Variants in KCND3 observed in about 807,000 individuals in gnomAD.
The protein encoded by KCND3 is potassium voltage-gated channel subfamily D member 3, also known as A-type voltage-gated potassium channel KCND3.
In KCND3, 9 loss-of-function variants were observed where a neutral mutation model predicts 51.1. That is an observed-to-expected ratio of 0.18 (90% CI 0.11 to 0.31). KCND3 has a LOEUF of 0.31. KCND3 is among the 10% of genes least tolerant of loss of function. The probability of loss-of-function intolerance (pLI) is 1.00; values close to 1 mark genes in which losing one functional copy is unlikely to be tolerated. For missense variants in KCND3, 526 were observed against 903.8 expected, an observed-to-expected ratio of 0.58 and a Z score of 5.36; for synonymous variants, 349 against 368.0, an observed-to-expected ratio of 0.95 and a Z score of 0.59.
intron 1 of KCND3, among the ~76,000 whole-genome samples, chr1:111,984,422 A>G (rs1439597086): frequency 6.6e-6 from 1 of 152,032 alleles, no homozygotes; most frequent in African/African-American, 2.4e-5. Context: ...CACCTTGACC[A>G]TTTTTCTCTA....
chr1:111,948,120 TG>T (rs1672871853), intron 2 of KCND3, among the ~76,000 whole-genome samples: 1 of 152,210 alleles, frequency 6.6e-6, no homozygotes, highest in South Asian at 2.1e-4. Flanking sequence ...CTGTGTGCTT[TG>T]GGGAGGCTGC....
At chr1:111,885,614 C>T (rs887520968) in intron 2 of KCND3, among the ~76,000 whole-genome samples, 3 of 152,048 alleles carry the variant, frequency 2.0e-5, no homozygotes, top group Non-Finnish European at 4.4e-5. Flanking sequence ...GGAAGGCCAA[C>T]TGGGCAGATG....
At chr1:111,835,463 A>G (rs1667027515) in intron 2 of KCND3, among the ~76,000 whole-genome samples, 1 of 152,192 alleles carries the variant, frequency 6.6e-6, no homozygotes, top group South Asian at 2.1e-4. Flanking sequence ...AAGTCACAGA[A>G]TAAGATAGGA....
intron 2 of KCND3, among the ~76,000 whole-genome samples, chr1:111,947,298 G>T (rs1208722857): frequency 6.6e-6 from 1 of 152,150 alleles, no homozygotes; most frequent in Non-Finnish European, 1.5e-5. Context: ...ATTACCATGT[G>T]CCAGGCACCA....
intron 2 of KCND3, among the ~76,000 whole-genome samples, chr1:111,852,098 T>A (rs934452335): frequency 3.9e-5 from 6 of 152,242 alleles, no homozygotes; most frequent in African/African-American, 7.2e-5. Context: ...ATGGAGCTTT[T>A]CTTTGTCCTC....
chr1:111,908,967 T>TA (rs1553176784), intron 2 of KCND3, among the ~76,000 whole-genome samples: 3 of 149,728 alleles, frequency 2.0e-5, no homozygotes, highest in Admixed American at 6.7e-5. Context: ...TTTTTTTTTT[T>TA]AAAGACTGTG....
chr1:111,935,993 T>C (rs552778243), intron 2 of KCND3, among the ~76,000 whole-genome samples: 3 of 152,242 alleles, frequency 2.0e-5, no homozygotes, highest in Non-Finnish European at 4.4e-5. Flanking sequence ...GCAAAACTCA[T>C]AGCACAAACC....
chr1:111,955,658 C>T (rs547909439), intron 2 of KCND3, among the ~76,000 whole-genome samples: 1 of 152,290 alleles, frequency 6.6e-6, no homozygotes, highest in Admixed American at 6.5e-5. Flanking sequence ...TCTTCAATGT[C>T]TGGTATAAGG....
At chr1:111,831,101 T>C (rs954060761) in intron 2 of KCND3, among the ~76,000 whole-genome samples, 4 of 152,246 alleles carry the variant, frequency 2.6e-5, no homozygotes, top group African/African-American at 9.6e-5. Flanking sequence ...TGCTTTCCTC[T>C]GACACCGGCT....
intron 2 of KCND3, among the ~76,000 whole-genome samples, chr1:111,820,148 C>G (rs1228074556): frequency 6.6e-6 from 1 of 152,192 alleles, no homozygotes; most frequent in Non-Finnish European, 1.5e-5. Context: ...ATGCATTTCC[C>G]AATGTTCCAG....
chr1:111,891,100 T>C (rs1487082736), intron 2 of KCND3, among the ~76,000 whole-genome samples: 2 of 152,282 alleles, frequency 1.3e-5, no homozygotes, highest in East Asian at 1.9e-4. Flanking sequence ...CATGTGACTG[T>C]AGGCAAGTTG....
chr1:111,816,656 C>A (rs80287979), intron 2 of KCND3, among the ~76,000 whole-genome samples: 2,724 of 152,294 alleles, frequency 0.018, 76 homozygotes, highest in African/African-American at 0.061. Context: ...CTCCACAATT[C>A]TAGGTCATAG....
At chr1:111,796,388 T>C (rs1225242113) in intron 2 of KCND3, among the ~76,000 whole-genome samples, 1 of 145,364 alleles carries the variant, frequency 6.9e-6, no homozygotes, top group East Asian at 1.9e-4. Flanking sequence ...TGCCTATCAA[T>C]GGTAGACCAG....
At chr1:111,823,872 A>G (rs1329297367) in intron 2 of KCND3, among the ~76,000 whole-genome samples, 1 of 152,188 alleles carries the variant, frequency 6.6e-6, no homozygotes, top group East Asian at 1.9e-4. Flanking sequence ...ATCAGGAAGC[A>G]TCTAAAACAC....
At chr1:111,911,535 A>G (rs898220843) in intron 2 of KCND3, among the ~76,000 whole-genome samples, 2 of 152,266 alleles carry the variant, frequency 1.3e-5, no homozygotes, top group African/African-American at 4.8e-5. Flanking sequence ...TACCAAATCC[A>G]TGTACCAGCT....
At chr1:111,880,101 C>A (rs569402751) in intron 2 of KCND3, among the ~76,000 whole-genome samples, 1 of 152,260 alleles carries the variant, frequency 6.6e-6, no homozygotes, top group South Asian at 2.1e-4. Context: ...TAGCCATTAG[C>A]AGATGTTTTT....
intron 2 of KCND3, among the ~76,000 whole-genome samples, chr1:111,927,613 C>T (rs887766747): frequency 2.0e-5 from 3 of 152,218 alleles, no homozygotes; most frequent in Non-Finnish European, 4.4e-5. Flanking sequence ...ATGCATTTCT[C>T]TCTTTCTTCT....
chr1:111,839,706 A>G lies in KCND3; in HGVS notation c.1107-52600T>C, dbSNP rs541701218. Among the ~76,000 whole-genome samples, 6 of 152,390 alleles carry G rather than the reference A, an allele frequency of 3.9e-5. No homozygotes were observed. In the South Asian group the frequency reaches 1.2e-3, roughly 32 times the overall value. ...TGCATTATCTCATTTATTTTTTACA[A>G]TAACCCTTTGAGAATGGATATCATC... is the stretch of plus-strand genomic sequence containing the variant. On this transcript the variant is annotated intron_variant, in intron 2 of 7. Coordinates refer to ENST00000302127, the MANE Select transcript of KCND3 (RefSeq NM_001378969.1).
chr1:111,796,472 C>G (rs751149603), intron 2 of KCND3, among the ~76,000 whole-genome samples: 1 of 152,158 alleles, frequency 6.6e-6, no homozygotes, highest in African/African-American at 2.4e-5. Context: ...ACCATGTCCT[C>G]TGCAGGAACA....
Sources: gnomAD v4.1 joint callset for allele counts (sites outside exome capture counted in the v4.1 genomes callset) on GRCh38, gnomAD v4.1.1 for gene constraint, MANE v1.5 for transcripts, NCBI Gene and HGNC (gene_info 2026-07-23, HGNC 2026-07-21) for gene names.